SAMD5: variants seen among roughly 807,000 people sequenced by gnomAD.
The protein encoded by SAMD5 is sterile alpha motif domain containing 5, also known as sterile alpha motif domain-containing protein 5.
Under a neutral mutation model 11.3 loss-of-function variants are expected in SAMD5, and 13 were observed. That is an observed-to-expected ratio of 1.15 (90% CI 0.75 to 1.83). SAMD5 has a LOEUF of 1.83. Among genes scored for constraint, SAMD5 ranks in the 40% most tolerant of loss-of-function variants. The pLI, the probability that SAMD5 is intolerant of heterozygous loss-of-function variation, is 0.00. For synonymous variants in SAMD5, 129 were observed against 111.3 expected (o/e 1.16, Z -1.00); for missense variants, 255 against 239.1 (o/e 1.07, Z -0.44).
intron 1 of SAMD5, among the ~76,000 whole-genome samples, chr6:147,575,923 T>C (rs1321388980): frequency 6.6e-6 from 1 of 152,134 alleles, no homozygotes; most frequent in Non-Finnish European, 1.5e-5. Context: ...ACAATATCAA[T>C]TTTTTATTTT....
Position 147,565,661 on chromosome 6 carries a change from T to A in SAMD5, c.*1205T>A, listed in dbSNP as rs1789026277. On this transcript the variant is annotated 3_prime_UTR_variant, in exon 2 of 2. Transcript: ENST00000367474. ...TTTTAGTAGAGATGGGGTTTTACCA[T>A]GTTGGCCAGGCTGTTCTTGAACTCC... 1.7e-6 allele frequency: 1 copy of A among 603,960 alleles called. No homozygotes were observed. The allele number at this position is 603,960 out of a possible 1,614,324, so 37.4% of individuals were successfully genotyped here.
the SAMD5 span, among the ~76,000 whole-genome samples, chr6:147,804,671 C>A: frequency 0.1 from 15,567 of 151,900 alleles, 1,427 homozygotes; most frequent in African/African-American, 0.24. Context: ...AATCAAAAAG[C>A]GGAAAAAAAG....
At chr6:147,802,199 A>G in the SAMD5 span, among the ~76,000 whole-genome samples, 1 of 152,230 alleles carries the variant, frequency 6.6e-6, no homozygotes, top group Non-Finnish European at 1.5e-5. Flanking sequence ...AACTGCTATA[A>G]TGTACTTGTA....
At position 147,568,736 on chromosome 6, in the gene SAMD5, C is replaced by T; in HGVS notation, c.*4280C>T. 1.0e-6 allele frequency: 1 copy of T among 980,510 alleles called. No homozygotes were observed. Among genetic ancestry groups the T allele is most frequent in the Non-Finnish European group, 1.2e-6 (1 of 825,516 alleles). The allele number at this position is 980,510 out of a possible 1,614,324, so 60.7% of individuals were successfully genotyped here. A position where few individuals can be genotyped will look rare whatever the true frequency, so the allele number is the denominator to read the frequency against. ...CTAATTTTACTCTTATTAGCTCCCTCAGTTGTCATCAATTACATATTCCTA... is the reference window on the plus strand; with the variant it reads ...CTAATTTTACTCTTATTAGCTCCCTTAGTTGTCATCAATTACATATTCCTA... On this transcript the variant is annotated 3_prime_UTR_variant, in exon 2 of 2. Transcript: ENST00000367474.
At chr6:147,822,679 A>G in the SAMD5 span, among the ~76,000 whole-genome samples, 1 of 152,174 alleles carries the variant, frequency 6.6e-6, no homozygotes, top group Non-Finnish European at 1.5e-5. Flanking sequence ...AATATTTCCT[A>G]TAGGATTTGC....
At chr6:147,942,384 A>G in the SAMD5 span, among the ~76,000 whole-genome samples, 1 of 152,250 alleles carries the variant, frequency 6.6e-6, no homozygotes, top group Non-Finnish European at 1.5e-5. Context: ...GATGCAAAAT[A>G]AAAGCAAATA....
the SAMD5 span, among the ~76,000 whole-genome samples, chr6:147,773,209 G>A: frequency 6.6e-6 from 1 of 152,172 alleles, no homozygotes. Flanking sequence ...TTATTTAAAT[G>A]TTAGTAACTT....
the SAMD5 span, among the ~76,000 whole-genome samples, chr6:147,911,613 T>G: frequency 6.6e-6 from 1 of 152,224 alleles, no homozygotes; most frequent in African/African-American, 2.4e-5. Context: ...CCTTTCCCTT[T>G]GACCAAGATG....
Position 147,591,031 on chromosome 6 carries a change from G to A in SAMD5, c.162+81644G>A, listed in dbSNP as rs138547099. 7.9e-5 allele frequency among the ~76,000 whole-genome samples: 12 copies of A among 151,944 alleles called. No individual in the cohort carries two copies. In the East Asian group the frequency reaches 1.2e-3, roughly 15 times the overall value. On this transcript the variant is annotated intron_variant, in intron 1 of 1. Transcript: ENST00000566741. ...CCTGGGTGTATTAGTGCTATTCTTC[G>A]AGGTCTTTTAAAAAGCTGTTAAACA...
the SAMD5 span, among the ~76,000 whole-genome samples, chr6:147,757,565 A>G: frequency 6.6e-6 from 1 of 152,330 alleles, no homozygotes; most frequent in East Asian, 1.9e-4. Flanking sequence ...ATTTGGCATC[A>G]GTTCTGGTAC....
intron 1 of SAMD5, among the ~76,000 whole-genome samples, chr6:147,595,007 T>C (rs1277870528): frequency 1.3e-5 from 2 of 152,216 alleles, no homozygotes; most frequent in African/African-American, 4.8e-5. Flanking sequence ...ATATAACTTA[T>C]CCTACTTGAC....
the SAMD5 span, among the ~76,000 whole-genome samples, chr6:147,872,122 T>C: frequency 2.0e-5 from 3 of 152,302 alleles, no homozygotes; most frequent in African/African-American, 7.2e-5. Context: ...GGTAGTATTA[T>C]TAAGACATGG....
At chr6:147,725,960 T>C (rs1791620473) in intron 1 of SAMD5, among the ~76,000 whole-genome samples, 1 of 152,198 alleles carries the variant, frequency 6.6e-6, no homozygotes, top group Non-Finnish European at 1.5e-5. Context: ...GATAGGAATA[T>C]AAAATGTTTT....
intron 1 of SAMD5, among the ~76,000 whole-genome samples, chr6:147,511,933 T>G (rs1348151930): frequency 6.6e-6 from 1 of 152,178 alleles, no homozygotes; most frequent in Admixed American, 6.5e-5. Context: ...TCCTTGGCTT[T>G]GTCATGATCA....
intron 1 of SAMD5, among the ~76,000 whole-genome samples, chr6:147,649,527 C>G (rs890810420): frequency 6.6e-6 from 1 of 152,148 alleles, no homozygotes; most frequent in African/African-American, 2.4e-5. Flanking sequence ...CATAGTGGCT[C>G]ACACCTCTAA....
the SAMD5 span, among the ~76,000 whole-genome samples, chr6:147,775,853 G>T: frequency 1.8e-4 from 28 of 152,170 alleles, no homozygotes; most frequent in African/African-American, 6.8e-4. Flanking sequence ...ACCTCTCTCA[G>T]CCTTGGTTGC....
At chr6:147,616,372 G>A (rs949970920) in intron 1 of SAMD5, among the ~76,000 whole-genome samples, 2 of 147,878 alleles carry the variant, frequency 1.4e-5, no homozygotes, top group African/African-American at 2.5e-5. Flanking sequence ...TATATGCCAC[G>A]GTCTGGCATA....
chr6:147,577,589 C>T (rs957807015), intron 1 of SAMD5, among the ~76,000 whole-genome samples: 2 of 151,834 alleles, frequency 1.3e-5, no homozygotes, highest in Non-Finnish European at 2.9e-5. Flanking sequence ...TTTTATTTTT[C>T]TATGCTTTAA....
chr6:147,939,030 G>T, the SAMD5 span, among the ~76,000 whole-genome samples: 2 of 152,100 alleles, frequency 1.3e-5, no homozygotes, highest in Non-Finnish European at 2.9e-5. Flanking sequence ...AAAGTCTGGG[G>T]TTCCCACAAC....
Sources: allele counts gnomAD v4.1 joint callset (sites outside exome capture counted in the v4.1 genomes callset), GRCh38; gene constraint gnomAD v4.1.1; transcripts MANE v1.5; gene names NCBI Gene and HGNC (gene_info 2026-07-23, HGNC 2026-07-21).